DPP10: variants seen among roughly 807,000 people sequenced by gnomAD.
DPP10 encodes the protein dipeptidyl peptidase like 10.
DPP10 carries 33 observed loss-of-function variants against 120.9 expected under a neutral mutation model. The observed-to-expected ratio is 0.27, with a 90% CI of 0.21 to 0.37. The LOEUF (loss-of-function observed/expected upper bound fraction) is 0.37, where lower values mean the gene tolerates loss of function less well. DPP10 is among the 10% of genes least tolerant of loss of function. DPP10 has a pLI of 1.00. For synonymous variants in DPP10, 337 were observed against 326.1 expected, an observed-to-expected ratio of 1.03 and a Z score of -0.36; for missense variants, 816 against 942.8, an observed-to-expected ratio of 0.87 and a Z score of 1.76.
At chr2:115,085,970 T>A (rs1708660999) in intron 1 of DPP10, among the ~76,000 whole-genome samples, 2 of 152,220 alleles carry the variant, frequency 1.3e-5, no homozygotes, top group South Asian at 4.1e-4. Flanking sequence ...CTATATATCG[T>A]GACTTACTTT....
At chr2:114,951,821 G>T (rs1186148299) in intron 1 of DPP10, among the ~76,000 whole-genome samples, 4 of 151,852 alleles carry the variant, frequency 2.6e-5, no homozygotes, top group Non-Finnish European at 5.9e-5. Flanking sequence ...TACCTATTCT[G>T]TCTACCTATT....
chr2:115,417,423 T>A (rs1021983269), intron 3 of DPP10, among the ~76,000 whole-genome samples: 1 of 151,972 alleles, frequency 6.6e-6, no homozygotes, highest in Non-Finnish European at 1.5e-5. Context: ...TAGAAGGGGG[T>A]TATCTTATAT....
intron 5 of DPP10, among the ~76,000 whole-genome samples, chr2:115,687,824 A>C (rs1360731735): frequency 2.6e-5 from 4 of 152,112 alleles, no homozygotes; most frequent in Non-Finnish European, 5.9e-5. Context: ...GTTAGGTCTC[A>C]GTGTCTGCTT....
At chr2:114,833,408 T>G (rs944255227) in intron 1 of DPP10, 14 of 152,188 alleles carry the variant, frequency 9.2e-5, no homozygotes, top group African/African-American at 3.4e-4. Flanking sequence ...TAGGAAATAA[T>G]ATTTTATCTC....
chr2:115,048,113 A>AT (rs1244836485), intron 1 of DPP10, among the ~76,000 whole-genome samples: 5 of 152,118 alleles, frequency 3.3e-5, no homozygotes, highest in Non-Finnish European at 7.4e-5. Flanking sequence ...TGGATTGTCC[A>AT]TTATATTGGA....
At chr2:114,596,739 A>G (rs1010800217) in intron 1 of DPP10, among the ~76,000 whole-genome samples, 1 of 151,950 alleles carries the variant, frequency 6.6e-6, no homozygotes, top group East Asian at 1.9e-4. Flanking sequence ...TGAGGCAGAG[A>G]GAAGTAAAGT....
At chr2:114,661,634 C>CT (rs1234503886) in intron 1 of DPP10, among the ~76,000 whole-genome samples, 3 of 152,132 alleles carry the variant, frequency 2.0e-5, no homozygotes, top group African/African-American at 7.2e-5. Flanking sequence ...TCAGGGATCT[C>CT]TGTCTTTTTT....
At chr2:114,540,203 T>C (rs977200175) in intron 1 of DPP10, among the ~76,000 whole-genome samples, 1 of 152,236 alleles carries the variant, frequency 6.6e-6, no homozygotes, top group Admixed American at 6.5e-5. Flanking sequence ...TTTCCAAATG[T>C]GGACCAGTAC....
chr2:114,735,752 G>A (rs1677365844), intron 1 of DPP10, among the ~76,000 whole-genome samples: 1 of 151,982 alleles, frequency 6.6e-6, no homozygotes, highest in Non-Finnish European at 1.5e-5. Context: ...AGAAGCACAT[G>A]TAACTAGCTC....
chr2:115,225,941 C>T (rs956953567), intron 1 of DPP10, among the ~76,000 whole-genome samples: 1 of 152,110 alleles, frequency 6.6e-6, no homozygotes, highest in African/African-American at 2.4e-5. Flanking sequence ...TTACCCCACT[C>T]AGTTTGGCGC....
intron 1 of DPP10, among the ~76,000 whole-genome samples, chr2:114,939,266 G>T (rs79099191): frequency 0.015 from 2,348 of 151,822 alleles, 62 homozygotes; most frequent in African/African-American, 0.054. Context: ...AAGAGCAGGT[G>T]TTGAAAGGGG....
chr2:115,309,383 G>A, intron 2 of DPP10, 30 bp downstream of exon 2: 1 of 1,591,826 alleles, frequency 6.3e-7, no homozygotes. Flanking sequence ...CTCTTATGAT[G>A]GATGGTATTG....
At chr2:115,799,797 G>A (rs912636341) in intron 19 of DPP10, among the ~76,000 whole-genome samples, 2 of 151,814 alleles carry the variant, frequency 1.3e-5, no homozygotes, top group African/African-American at 4.8e-5. Flanking sequence ...GTATTCCATG[G>A]TGTATATGTG....
chr2:115,749,069 C>G (rs760743211), intron 10 of DPP10, among the ~76,000 whole-genome samples: 36 of 152,070 alleles, frequency 2.4e-4, no homozygotes, highest in Non-Finnish European at 4.7e-4. Flanking sequence ...TGAATATCCC[C>G]AGAACTAGTG....
At chr2:115,198,900 G>C (rs2055486670) in intron 1 of DPP10, among the ~76,000 whole-genome samples, 1 of 152,086 alleles carries the variant, frequency 6.6e-6, no homozygotes, top group Non-Finnish European at 1.5e-5. Context: ...GAAAAAGGAT[G>C]GGAAAGTTCT....
chr2:115,078,656 A>G (rs1707988877), intron 1 of DPP10, among the ~76,000 whole-genome samples: 1 of 152,218 alleles, frequency 6.6e-6, no homozygotes, highest in South Asian at 2.1e-4. Flanking sequence ...AGTTGAAATA[A>G]TAAACTGAAG....
At chr2:114,513,332 C>T (rs1446840003) in intron 1 of DPP10, among the ~76,000 whole-genome samples, 1 of 151,834 alleles carries the variant, frequency 6.6e-6, no homozygotes, top group Non-Finnish European at 1.5e-5. Flanking sequence ...ACCAGCCTGA[C>T]CAACATGGTG....
chr2:115,257,019 C>A lies in DPP10; in HGVS notation c.61-52220C>A, dbSNP rs368658328. Among the ~76,000 whole-genome samples the A allele has an allele frequency of 1.2e-3, 176 of 152,324 alleles. 9 individuals are homozygous for A. The South Asian group carries it at 0.036, about 31-fold the overall frequency. On this transcript the variant is annotated intron_variant, in intron 1 of 25. Transcript: ENST00000410059. The stretch of plus-strand genomic sequence containing the variant: ...ATTCACTAAGGCACAACATGTATGA[C>A]CTTTGCTCCAGTTCCCAGTAGGTGC...
chr2:114,709,134 A>G (rs1272855316), intron 1 of DPP10, among the ~76,000 whole-genome samples: 1 of 152,152 alleles, frequency 6.6e-6, no homozygotes, highest in South Asian at 2.1e-4. Context: ...CCAGGCTCCT[A>G]TGTCAGCTGC....
Sources: gnomAD v4.1 joint callset for allele counts (sites outside exome capture counted in the v4.1 genomes callset) on GRCh38, gnomAD v4.1.1 for gene constraint, MANE v1.5 for transcripts, NCBI Gene and HGNC (gene_info 2026-07-23, HGNC 2026-07-21) for gene names.